The following ANKRD29 variants were observed in gnomAD, a reference collection of about 807,000 sequenced individuals.
ANKRD29 encodes the protein ankyrin repeat domain 29.
ANKRD29 carries 32 observed loss-of-function variants against 38.0 expected under a neutral mutation model. That is an observed-to-expected ratio of 0.84 (90% CI 0.64 to 1.13). The LOEUF (loss-of-function observed/expected upper bound fraction) is 1.13, where lower values mean the gene tolerates loss of function less well. Among genes scored for constraint, ANKRD29 ranks in the 50% most tolerant of loss-of-function variants. The pLI is 0.00. For missense variants in ANKRD29, 357 were observed against 377.9 expected, an observed-to-expected ratio of 0.94 and a Z score of 0.46; for synonymous variants, 135 against 152.4, an observed-to-expected ratio of 0.89 and a Z score of 0.84.
At chr18:23,637,163 C>T (rs1284774640) in intron 4 of ANKRD29, among the ~76,000 whole-genome samples, 6 of 152,120 alleles carry the variant, frequency 3.9e-5, no homozygotes, top group African/African-American at 1.2e-4. Flanking sequence ...TATGGTCACT[C>T]ACGATCATTT....
chr18:23,661,705 G>A (rs931206967), intron 1 of ANKRD29, among the ~76,000 whole-genome samples: 7 of 152,064 alleles, frequency 4.6e-5, no homozygotes, highest in African/African-American at 1.4e-4. Flanking sequence ...GCAAAACTCC[G>A]TCTCAGGAAA....
chr18:23,657,516 C>T lies in ANKRD29; in HGVS notation c.21+5194G>A, dbSNP rs976415144. ...GCATACAATCCAGTGGGTTTTGGTG[C>T]AATCATAAGGTTGCACAACCATCAC... is the stretch of plus-strand genomic sequence containing the variant. On this transcript the variant is annotated intron_variant, in intron 1 of 9. Transcript: ENST00000592179. Among the ~76,000 whole-genome samples the T allele has an allele frequency of 2.6e-5, 4 of 152,124 alleles. No homozygotes were observed. The East Asian group carries it at 7.7e-4, about 29-fold the overall frequency.
chr18:23,643,687 G>A (rs2060105592), intron 3 of ANKRD29, among the ~76,000 whole-genome samples: 1 of 152,220 alleles, frequency 6.6e-6, no homozygotes, highest in Non-Finnish European at 1.5e-5. Context: ...CCAACTGTAT[G>A]TGCAGCTCCT....
intron 1 of ANKRD29, among the ~76,000 whole-genome samples, chr18:23,662,130 GT>G (rs755653517): frequency 6.6e-6 from 1 of 151,928 alleles, no homozygotes; most frequent in Admixed American, 6.6e-5. Flanking sequence ...CATTTGAACT[GT>G]TTAATACATT....
At chr18:23,610,355 G>A (rs982362861) in intron 9 of ANKRD29, among the ~76,000 whole-genome samples, 23 of 152,234 alleles carry the variant, frequency 1.5e-4, no homozygotes, top group African/African-American at 5.3e-4. Flanking sequence ...GTGCACACCT[G>A]TAGTTCCAGC....
intron 1 of ANKRD29, among the ~76,000 whole-genome samples, chr18:23,656,735 A>G (rs1169699794): frequency 6.6e-6 from 1 of 152,200 alleles, no homozygotes; most frequent in Non-Finnish European, 1.5e-5. Flanking sequence ...TTACAATAAA[A>G]GGTCTCTTTT....
chr18:23,613,374 G>A (rs2059668800), intron 8 of ANKRD29, among the ~76,000 whole-genome samples: 1 of 151,906 alleles, frequency 6.6e-6, no homozygotes, highest in Admixed American at 6.6e-5. Flanking sequence ...GTTTCGCCAT[G>A]TTGCCTGGGC....
chr18:23,634,984 GAGCGGAT>G (rs1476012470), intron 4 of ANKRD29, among the ~76,000 whole-genome samples: 2 of 152,216 alleles, frequency 1.3e-5, no homozygotes, highest in African/African-American at 4.8e-5. Context: ...GCCATTAAAA[GAGCGGAT>G]AGCTATGGCA....
Position 23,638,891 on chromosome 18 carries a change from T to C in ANKRD29, c.288A>G (p.Arg96=). Reference sequence around the variant, plus strand: ...TGGATGCTCCAAATCCAAAGAGAAATCTCACGACATCATTATGGCCTTGCT... The same window carrying C: ...TGGATGCTCCAAATCCAAAGAGAAACCTCACGACATCATTATGGCCTTGCT... The part of the protein sequence containing the change: ...AAQQGHNDVV[R]FLFGFGASTE... Residue 96 remains arginine (R), a synonymous_variant, in exon 4 of 10, where the codon AGA becomes AGG. Coordinates refer to ENST00000592179, the MANE Select transcript of ANKRD29 (RefSeq NM_173505.4). The C allele has an allele frequency of 6.2e-7, 1 of 1,613,032 alleles. No homozygotes were observed. Among genetic ancestry groups the C allele is most frequent in the Non-Finnish European group, 8.5e-7 (1 of 1,179,782 alleles).
chr18:23,625,509 C>T (rs969801034), intron 6 of ANKRD29, among the ~76,000 whole-genome samples: 3 of 152,006 alleles, frequency 2.0e-5, no homozygotes, highest in Non-Finnish European at 4.4e-5. Context: ...TATGAAGAGA[C>T]TTTGAGATGA....
At chr18:23,611,509 C>G (rs2059641272) in intron 9 of ANKRD29, among the ~76,000 whole-genome samples, 1 of 152,018 alleles carries the variant, frequency 6.6e-6, no homozygotes, top group South Asian at 2.1e-4. Context: ...CATGGTGAAA[C>G]CCCGTCTCTA....
intron 7 of ANKRD29, 151 bp downstream of exon 7, chr18:23,619,380 A>G: frequency 1.4e-6 from 1 of 699,940 alleles, no homozygotes; most frequent in South Asian, 2.0e-5. Flanking sequence ...GAGACCGAGC[A>G]GCACCGAATC....
Position 23,629,858 on chromosome 18 carries a change from T to A in ANKRD29, c.523A>T (p.Arg175Trp), listed in dbSNP as rs996984759. The A allele has an allele frequency of 6.2e-6, 10 of 1,613,740 alleles. No individual in the cohort carries two copies. Among genetic ancestry groups the A allele is most frequent in the Non-Finnish European group, 7.6e-6 (9 of 1,179,954 alleles). ...ATGTCAACAGTGGACATTACCTGCC[T>A]TGGCTGGTTGACTTTTGCTCCTGAA... ...LASGAKVNQP[R>W]QDGTAPLWIA... Residue 175 changes from arginine to tryptophan, a missense_variant, in exon 6 of 10, where the codon AGG becomes TGG. By Grantham distance (101) the Arg-to-Trp change is moderately radical. Coordinates refer to ENST00000592179, the MANE Select transcript of ANKRD29 (RefSeq NM_173505.4).
chr18:23,615,224 G>C (rs574148172), intron 8 of ANKRD29, among the ~76,000 whole-genome samples: 1 of 152,172 alleles, frequency 6.6e-6, no homozygotes, highest in East Asian at 1.9e-4. Context: ...CTCCAGGCTG[G>C]TCTCTAACTC....
chr18:23,606,519 C>G (rs1037041014), intron 9 of ANKRD29, among the ~76,000 whole-genome samples: 2 of 151,928 alleles, frequency 1.3e-5, no homozygotes, highest in Non-Finnish European at 2.9e-5. Context: ...CTATATTGCC[C>G]AGGTTGGTCT....
At position 23,635,340 on chromosome 18, in the gene ANKRD29, G is replaced by A. The variant is rs531363983; in HGVS notation, c.331-1191C>T. On this transcript the variant is annotated intron_variant, in intron 4 of 9. Transcript: ENST00000592179. ...AAGCAGGGCACTGTAAAGCACACATGCTCTGATGTGGAATGGGATATTCCT... is the reference window on the plus strand; with the variant it reads ...AAGCAGGGCACTGTAAAGCACACATACTCTGATGTGGAATGGGATATTCCT... Among the ~76,000 whole-genome samples the A allele has an allele frequency of 4.0e-5, 6 of 150,230 alleles. No homozygotes were observed. In the East Asian group the frequency reaches 9.7e-4, roughly 24 times the overall value.
chr18:23,605,683 T>C (rs1216837941), intron 9 of ANKRD29, among the ~76,000 whole-genome samples: 1 of 151,846 alleles, frequency 6.6e-6, no homozygotes, highest in Non-Finnish European at 1.5e-5. Context: ...TGCGCGACCA[T>C]GCCTGGCTAA....
At chr18:23,633,437 G>A (rs963939066) in intron 5 of ANKRD29, among the ~76,000 whole-genome samples, 1 of 152,168 alleles carries the variant, frequency 6.6e-6, no homozygotes, top group Non-Finnish European at 1.5e-5. Flanking sequence ...CATATGCTGG[G>A]CTTTGTAGTT....
chr18:23,617,882 G>A (rs2059745246), intron 7 of ANKRD29, 55 bp from the exon 8 acceptor site: 1 of 1,470,634 alleles, frequency 6.8e-7, no homozygotes. Context: ...TGTGTTGCTT[G>A]AAAGCAGTCA....
Sources: allele counts gnomAD v4.1 joint callset (sites outside exome capture counted in the v4.1 genomes callset), GRCh38; gene constraint gnomAD v4.1.1; transcripts MANE v1.5; gene names NCBI Gene and HGNC (gene_info 2026-07-23, HGNC 2026-07-21).